SRBD1: variants seen among roughly 807,000 people sequenced by gnomAD.
SRBD1 encodes S1 RNA-binding domain-containing protein 1.
Under a neutral mutation model 115.3 loss-of-function variants are expected in SRBD1, and 88 were observed. The ratio of observed to expected loss-of-function variants is 0.76; its 90% CI spans 0.64 to 0.91. SRBD1 has a LOEUF of 0.91. Ranked by LOEUF, SRBD1 falls within the 40% of genes least tolerant of loss-of-function variation. The pLI, the probability that SRBD1 is intolerant of heterozygous loss-of-function variation, is 0.00. For missense variants in SRBD1, 1,385 were observed against 1,177.4 expected, an observed-to-expected ratio of 1.18 and a Z score of -2.58; for synonymous variants, 509 against 407.7, an observed-to-expected ratio of 1.25 and a Z score of -2.99.
At chr2:45,462,168 C>T (rs762950082) in intron 16 of SRBD1, among the ~76,000 whole-genome samples, 24 of 152,320 alleles carry the variant, frequency 1.6e-4, no homozygotes, top group Middle Eastern at 3.4e-3. Context: ...GCACTCGCAG[C>T]GAATCACGCT....
intron 10 of SRBD1, among the ~76,000 whole-genome samples, chr2:45,558,256 GGAGTTT>G (rs1558477377): frequency 1.3e-5 from 2 of 152,172 alleles, no homozygotes; most frequent in African/African-American, 4.8e-5. Context: ...TTTAAATCCA[GGAGTTT>G]GAGACCAGCC....
intron 10 of SRBD1, among the ~76,000 whole-genome samples, chr2:45,558,725 CTT>C (rs60066659): frequency 0.045 from 5,456 of 121,378 alleles, 202 homozygotes; most frequent in East Asian, 0.16. Context: ...GAGTTTCACT[CTT>C]GTCACCCAGG....
At chr2:45,585,569 T>C in intron 5 of SRBD1, 39 bp downstream of exon 5, 1 of 1,578,862 alleles carries the variant, frequency 6.3e-7, no homozygotes, top group South Asian at 1.2e-5. Flanking sequence ...ATTGGCCTTT[T>C]CCCCTTACAC....
At chr2:45,503,202 T>C (rs1397777723) in intron 14 of SRBD1, among the ~76,000 whole-genome samples, 3 of 105,178 alleles carry the variant, frequency 2.9e-5, no homozygotes, top group Non-Finnish European at 5.8e-5. Context: ...AACATATTAA[T>C]TAGCCCTTTC....
chr2:45,411,325 C>A (rs1282614633), intron 19 of SRBD1, among the ~76,000 whole-genome samples: 1 of 152,138 alleles, frequency 6.6e-6, no homozygotes, highest in Non-Finnish European at 1.5e-5. Flanking sequence ...TTTCCTATAT[C>A]TCTTAAATTT....
chr2:45,465,323 C>T (rs1227589525), intron 16 of SRBD1, among the ~76,000 whole-genome samples: 4 of 151,686 alleles, frequency 2.6e-5, no homozygotes, highest in African/African-American at 7.3e-5. Flanking sequence ...TCCTTTTTTT[C>T]CTCTCAATAT....
chr2:45,525,252 G>T (rs927289044), intron 14 of SRBD1, among the ~76,000 whole-genome samples: 1 of 151,834 alleles, frequency 6.6e-6, no homozygotes, highest in Non-Finnish European at 1.5e-5. Flanking sequence ...CTTACATATG[G>T]CACCAAAAAT....
rs1288996478 is a variant in SRBD1, at chr2:45,453,894, T to C, written c.2049+23099A>G. ...ATTTTCCTCTTCTGATAAGCAACTT[T>C]AGTAGGACAAATGTGGCAATTCGTC... is the stretch of plus-strand genomic sequence containing the variant. On this transcript the variant is annotated intron_variant, in intron 16 of 20. Coordinates refer to ENST00000263736, the MANE Select transcript of SRBD1 (RefSeq NM_018079.5). Among the ~76,000 whole-genome samples, 4 of 151,994 alleles carry C rather than the reference T, an allele frequency of 2.6e-5. No homozygotes were observed. The East Asian group carries it at 5.8e-4, about 22-fold the overall frequency.
At chr2:45,464,536 C>T (rs1180931407) in intron 16 of SRBD1, among the ~76,000 whole-genome samples, 2 of 152,228 alleles carry the variant, frequency 1.3e-5, no homozygotes, top group African/African-American at 4.8e-5. Flanking sequence ...CCTCCATACA[C>T]TGAATTACAC....
At chr2:45,397,742 C>G (rs529720888) in intron 19 of SRBD1, among the ~76,000 whole-genome samples, 1 of 152,216 alleles carries the variant, frequency 6.6e-6, no homozygotes, top group South Asian at 2.1e-4. Flanking sequence ...TAGCTGGAAC[C>G]ACAAGCCCAG....
chr2:45,501,948 TC>T (rs1670644239), intron 14 of SRBD1, among the ~76,000 whole-genome samples: 1 of 152,140 alleles, frequency 6.6e-6, no homozygotes, highest in African/African-American at 2.4e-5. Context: ...GTAGTGGTTC[TC>T]CCAGTATGGA....
chr2:45,552,135 C>A (rs1462549691), intron 11 of SRBD1, among the ~76,000 whole-genome samples: 1 of 152,074 alleles, frequency 6.6e-6, no homozygotes, highest in African/African-American at 2.4e-5. Flanking sequence ...ATGACAGTCA[C>A]GGGAATAAGA....
intron 19 of SRBD1, among the ~76,000 whole-genome samples, chr2:45,400,201 G>A (rs1346059045): frequency 1.3e-5 from 2 of 152,114 alleles, no homozygotes; most frequent in Non-Finnish European, 2.9e-5. Context: ...CTCGCTTATG[G>A]TGACACTGAG....
intron 3 of SRBD1, 123 bp downstream of exon 3, chr2:45,601,780 G>A (rs764416917): frequency 2.4e-6 from 3 of 1,258,138 alleles, no homozygotes; most frequent in Admixed American, 2.3e-5. Context: ...ACCCAGGGTA[G>A]GGGATGCCAT....
intron 10 of SRBD1, among the ~76,000 whole-genome samples, chr2:45,554,423 TCC>T (rs1157701409): frequency 1.3e-5 from 2 of 152,188 alleles, no homozygotes; most frequent in Non-Finnish European, 2.9e-5. Flanking sequence ...TATCCTTTTT[TCC>T]CCCTTTCTTT....
intron 14 of SRBD1, among the ~76,000 whole-genome samples, chr2:45,545,036 T>C (rs932338390): frequency 6.6e-6 from 1 of 151,798 alleles, no homozygotes; most frequent in African/African-American, 2.4e-5. Flanking sequence ...ATCGCAGCAC[T>C]TTGGGAGGCT....
At chr2:45,609,302 C>G (rs1442857137) in intron 1 of SRBD1, among the ~76,000 whole-genome samples, 1 of 152,146 alleles carries the variant, frequency 6.6e-6, no homozygotes, top group Non-Finnish European at 1.5e-5. Context: ...TCTCACATAT[C>G]CAGACTATTA....
intron 18 of SRBD1, among the ~76,000 whole-genome samples, chr2:45,414,570 T>C (rs1036264875): frequency 6.7e-6 from 1 of 148,708 alleles, no homozygotes; most frequent in Non-Finnish European, 1.5e-5. Flanking sequence ...TGTACACACA[T>C]AGTGTGTATA....
intron 14 of SRBD1, among the ~76,000 whole-genome samples, chr2:45,520,884 C>T (rs191703120): frequency 1.2e-3 from 183 of 152,314 alleles, no homozygotes; most frequent in Middle Eastern, 3.4e-3. Context: ...CCATGTGTAA[C>T]CCAATTCTTC....
Sources: allele counts gnomAD v4.1 joint callset (sites outside exome capture counted in the v4.1 genomes callset), GRCh38; gene constraint gnomAD v4.1.1; transcripts MANE v1.5; gene names NCBI Gene and HGNC (gene_info 2026-07-23, HGNC 2026-07-21).